Variants in TEAD1 observed in about 807,000 individuals in gnomAD.
TEAD1 encodes transcriptional enhancer factor TEF-1.
TEAD1 carries 9 observed loss-of-function variants against 54.9 expected under a neutral mutation model. The ratio of observed to expected loss-of-function variants is 0.16; its 90% CI spans 0.10 to 0.29. TEAD1 has a LOEUF of 0.29. Ranked by LOEUF, TEAD1 falls within the 10% of genes least tolerant of loss-of-function variation. The pLI, the probability that TEAD1 is intolerant of heterozygous loss-of-function variation, is 1.00. For synonymous variants in TEAD1, 200 were observed against 187.8 expected (o/e 1.07, Z -0.53); for missense variants, 387 against 535.9 (o/e 0.72, Z 2.74).
At chr11:12,749,766 T>C (rs1358862643) in intron 2 of TEAD1, among the ~76,000 whole-genome samples, 1 of 152,164 alleles carries the variant, frequency 6.6e-6, no homozygotes, top group Non-Finnish European at 1.5e-5. Context: ...TCCAGTAATA[T>C]TTGTTCATTT....
chr11:12,830,292 G>T (rs1946745199), intron 3 of TEAD1, among the ~76,000 whole-genome samples: 1 of 152,154 alleles, frequency 6.6e-6, no homozygotes, highest in Admixed American at 6.5e-5. Context: ...AAGGCTGGCA[G>T]TGGGGGGCAT....
rs752807167 is a variant in TEAD1 at position 12,881,007 on chromosome 11, C to G, written c.468C>G (p.Phe156Leu). The G allele has an allele frequency of 1.9e-6, 3 of 1,614,136 alleles. No homozygotes were observed. Among genetic ancestry groups the G allele is most frequent in the East Asian group, 2.2e-5 (1 of 44,872 alleles). Residue 156 changes from phenylalanine to leucine, a missense_variant and splice_region_variant, in exon 7 of 13, where the codon TTC becomes TTG. Phe to Leu is a conservative substitution (Grantham distance 22). Transcript: ENST00000527636. ...GGCCTTTGCATTTTGCCTTCCAGTT[C>G]TGGCCGGGAATGATTCAAACAGGGC...
intron 3 of TEAD1, among the ~76,000 whole-genome samples, chr11:12,768,998 G>A (rs556726525): frequency 3.9e-5 from 6 of 152,298 alleles, no homozygotes; most frequent in African/African-American, 9.6e-5. Flanking sequence ...CCTGGCCTCG[G>A]TAGTGGCCAG....
At chr11:12,857,976 C>T (rs924628843) in intron 3 of TEAD1, among the ~76,000 whole-genome samples, 3 of 152,130 alleles carry the variant, frequency 2.0e-5, no homozygotes, top group African/African-American at 4.8e-5. Context: ...GTCCCATGAG[C>T]TACCACAGTC....
intron 3 of TEAD1, among the ~76,000 whole-genome samples, chr11:12,801,213 T>G (rs1442822172): frequency 6.6e-6 from 1 of 152,216 alleles, no homozygotes; most frequent in Non-Finnish European, 1.5e-5. Flanking sequence ...ATTTGAAAAT[T>G]AGCCCCAATT....
chr11:12,850,643 T>C (rs1235522202), intron 3 of TEAD1, among the ~76,000 whole-genome samples: 2 of 152,232 alleles, frequency 1.3e-5, no homozygotes, highest in Non-Finnish European at 2.9e-5. Context: ...TAGGCAGTCA[T>C]ACCTTTGAGT....
chr11:12,686,437 G>A (rs924913312), intron 2 of TEAD1, among the ~76,000 whole-genome samples: 1 of 152,136 alleles, frequency 6.6e-6, no homozygotes, highest in Admixed American at 6.5e-5. Flanking sequence ...GTTCTTTTCT[G>A]TGGATGCACT....
chr11:12,748,689 C>G (rs567069409), intron 2 of TEAD1, among the ~76,000 whole-genome samples: 1 of 152,006 alleles, frequency 6.6e-6, no homozygotes. Context: ...AAGAAGCCAC[C>G]CATATCATCT....
chr11:12,860,807 A>G (rs936704031), intron 3 of TEAD1, among the ~76,000 whole-genome samples: 1 of 152,244 alleles, frequency 6.6e-6, no homozygotes, highest in African/African-American at 2.4e-5. Flanking sequence ...GTTTGGGTAC[A>G]TCCTAGGAAG....
At position 12,806,806 on chromosome 11, in the gene TEAD1, C is replaced by G. The variant is rs1946181941; in HGVS notation, c.202+42372C>G. 2.0e-5 allele frequency among the ~76,000 whole-genome samples: 3 copies of G among 152,268 alleles called. No individual in the cohort carries two copies. In the South Asian group the frequency reaches 6.2e-4, roughly 32 times the overall value. ...AATAAGTGAAGTAGTTGTTCATTGT[C>G]AGGTCAGGTTTGAATTCTCTCATAC... is the stretch of plus-strand genomic sequence containing the variant. On this transcript the variant is annotated intron_variant, in intron 3 of 12. Transcript: ENST00000527636.
Position 12,821,951 on chromosome 11 carries a change from TTCTCTTTTCC to T in TEAD1, c.203-40297_203-40288del, listed in dbSNP as rs1247509966. Among the ~76,000 whole-genome samples the T allele has an allele frequency of 7.9e-5, 10 of 126,798 alleles. 1 individual carries two copies. In the East Asian group the frequency reaches 1.2e-3, roughly 15 times the overall value. The allele number at this position is 126,798 out of a possible 152,430, so 83.2% of individuals were successfully genotyped here. A position where few individuals can be genotyped will look rare whatever the true frequency, so the allele number is the denominator to read the frequency against. On this transcript the variant is annotated intron_variant, in intron 3 of 12. Transcript: ENST00000527636. ...TCTTTTCCTATACTCTCTCTCCTTT[TTCTCTTTTCC>T]TTTTTTTTTTTTTTTTTTTTGAGAC... is the stretch of plus-strand genomic sequence containing the variant.
intron 2 of TEAD1, among the ~76,000 whole-genome samples, chr11:12,761,318 T>C (rs78026289): frequency 0.064 from 9,742 of 152,212 alleles, 1,009 homozygotes; most frequent in African/African-American, 0.22. Context: ...TATATTGAGT[T>C]GGAATATTCT....
intron 3 of TEAD1, among the ~76,000 whole-genome samples, chr11:12,816,971 T>C (rs893105901): frequency 6.6e-6 from 1 of 151,594 alleles, no homozygotes; most frequent in African/African-American, 2.4e-5. Context: ...TTTCTTTCCA[T>C]GTGTGATGCA....
rs1179608989 is a variant in TEAD1 at position 12,944,039 on chromosome 11, CGT to C, written c.*6822_*6823del. On this transcript the variant is annotated 3_prime_UTR_variant, in exon 13 of 13. Transcript: ENST00000527636. Reference sequence around the variant, plus strand: ...ATTTTATGTAAATCGGTTTTCGCCACGTGTGTTTGTTCACATTCTAAATGACT... The same window carrying C: ...ATTTTATGTAAATCGGTTTTCGCCACGTGTTTGTTCACATTCTAAATGACT... The C allele has an allele frequency of 2.6e-5, 4 of 152,520 alleles. No homozygotes were observed. The highest frequency in any genetic ancestry group is 2.9e-5 in the Non-Finnish European group (2 of 68,022). The allele number at this position is 152,520 out of a possible 1,614,324, so 9.4% of individuals were successfully genotyped here. A position where few individuals can be genotyped will look rare whatever the true frequency, so the allele number is the denominator to read the frequency against.
intron 3 of TEAD1, among the ~76,000 whole-genome samples, chr11:12,766,376 T>A (rs1205896275): frequency 6.6e-6 from 1 of 152,222 alleles, no homozygotes; most frequent in East Asian, 1.9e-4. Context: ...GAGCTCTTGT[T>A]GGTAATTGGG....
chr11:12,823,844 GT>G (rs1460944693), intron 3 of TEAD1, among the ~76,000 whole-genome samples: 2 of 152,186 alleles, frequency 1.3e-5, no homozygotes, highest in Non-Finnish European at 2.9e-5. Flanking sequence ...AGGAGTGACA[GT>G]TGTTGAGGGA....
chr11:12,708,428 CTT>C (rs1943865278), intron 2 of TEAD1, among the ~76,000 whole-genome samples: 1 of 151,884 alleles, frequency 6.6e-6, no homozygotes. Context: ...GGGTCAGAGA[CTT>C]TATCCTGCTG....
At chr11:12,907,825 C>T (rs925057172) in intron 10 of TEAD1, among the ~76,000 whole-genome samples, 4 of 152,190 alleles carry the variant, frequency 2.6e-5, no homozygotes, top group Non-Finnish European at 5.9e-5. Flanking sequence ...CTGCTAGACT[C>T]CAGAATCCAT....
intron 3 of TEAD1, among the ~76,000 whole-genome samples, chr11:12,856,592 G>A (rs1947385906): frequency 6.6e-6 from 1 of 152,196 alleles, no homozygotes; most frequent in Non-Finnish European, 1.5e-5. Context: ...CTACTGGGCT[G>A]AGCGGGGTGG....
Sources: allele counts gnomAD v4.1 joint callset (sites outside exome capture counted in the v4.1 genomes callset), GRCh38; gene constraint gnomAD v4.1.1; transcripts MANE v1.5; gene names NCBI Gene and HGNC (gene_info 2026-07-23, HGNC 2026-07-21).